TAS2R1: variants seen among roughly 807,000 people sequenced by gnomAD.
The protein encoded by TAS2R1 is taste receptor type 2 member 1.
For missense variants in TAS2R1, 370 were observed against 353.4 expected, an observed-to-expected ratio of 1.05 and a Z score of -0.38; for synonymous variants, 141 against 134.2, an observed-to-expected ratio of 1.05 and a Z score of -0.35.
chr5:9,856,383 AG>A, the TAS2R1 span, among the ~76,000 whole-genome samples: 4 of 152,148 alleles, frequency 2.6e-5, no homozygotes, highest in African/African-American at 9.7e-5. Flanking sequence ...ATATTAAGCA[AG>A]GGGAGAAAAA....
chr5:9,651,269 G>C (rs1048036605), intron 2 of TAS2R1, among the ~76,000 whole-genome samples: 3 of 152,122 alleles, frequency 2.0e-5, no homozygotes, highest in Admixed American at 1.3e-4. Flanking sequence ...CCTCATTGTG[G>C]TATTAAATCT....
chr5:9,678,288 C>T (rs1740918548), intron 1 of TAS2R1, among the ~76,000 whole-genome samples: 1 of 152,070 alleles, frequency 6.6e-6, no homozygotes. Context: ...ACAACAGATG[C>T]TGGTGAGTTT....
the TAS2R1 span, among the ~76,000 whole-genome samples, chr5:9,835,038 C>T: frequency 2.0e-5 from 3 of 152,128 alleles, no homozygotes; most frequent in Non-Finnish European, 2.9e-5. Flanking sequence ...GATTGTCTGC[C>T]GACCCCTAGG....
chr5:9,756,263 G>C, the TAS2R1 span, among the ~76,000 whole-genome samples: 4 of 152,142 alleles, frequency 2.6e-5, no homozygotes, highest in Non-Finnish European at 5.9e-5. Flanking sequence ...GGAAGCATCA[G>C]AGTAAAACAA....
chr5:9,853,839 A>G, the TAS2R1 span, among the ~76,000 whole-genome samples: 1 of 152,258 alleles, frequency 6.6e-6, no homozygotes, highest in East Asian at 1.9e-4. Context: ...CACATTTGAG[A>G]GCAATTATAA....
intron 2 of TAS2R1, among the ~76,000 whole-genome samples, chr5:9,652,223 G>A (rs543911340): frequency 6.6e-6 from 1 of 152,262 alleles, no homozygotes; most frequent in East Asian, 1.9e-4. Flanking sequence ...CCAGAAAGAC[G>A]TTCACCAAAT....
chr5:9,860,891 C>T, the TAS2R1 span, among the ~76,000 whole-genome samples: 1 of 151,950 alleles, frequency 6.6e-6, no homozygotes, highest in Admixed American at 6.6e-5. Context: ...TTTGTGCTTC[C>T]TGCAGCAAGA....
At chr5:9,790,499 C>G in the TAS2R1 span, among the ~76,000 whole-genome samples, 7 of 152,090 alleles carry the variant, frequency 4.6e-5, no homozygotes, top group Admixed American at 4.6e-4. Flanking sequence ...CAACGGCAAG[C>G]ATAAATCATC....
chr5:9,804,299 G>GA, the TAS2R1 span, among the ~76,000 whole-genome samples: 3 of 152,018 alleles, frequency 2.0e-5, no homozygotes, highest in South Asian at 6.2e-4. Context: ...AACAGTGGGG[G>GA]ACTTTAATAC....
chr5:9,870,539 A>T, the TAS2R1 span, among the ~76,000 whole-genome samples: 2 of 152,202 alleles, frequency 1.3e-5, no homozygotes, highest in Non-Finnish European at 2.9e-5. Flanking sequence ...GACTTTATTG[A>T]ACATCTACTA....
chr5:9,710,287 C>T (rs983767020), intron 1 of TAS2R1, among the ~76,000 whole-genome samples: 1 of 152,208 alleles, frequency 6.6e-6, no homozygotes, highest in African/African-American at 2.4e-5. Flanking sequence ...TATCGAGTGC[C>T]CTCCACTCAC....
chr5:9,798,247 G>A, the TAS2R1 span, among the ~76,000 whole-genome samples: 1 of 152,150 alleles, frequency 6.6e-6, no homozygotes, highest in Non-Finnish European at 1.5e-5. Context: ...TGGGAATGGG[G>A]ATTGATCACA....
the TAS2R1 span, among the ~76,000 whole-genome samples, chr5:9,875,225 G>A: frequency 1.3e-5 from 2 of 152,186 alleles, no homozygotes; most frequent in African/African-American, 2.4e-5. Context: ...GAGGGAGCGG[G>A]CAGGAGCCAA....
the TAS2R1 span, among the ~76,000 whole-genome samples, chr5:9,891,393 G>T: frequency 2.0e-5 from 3 of 152,078 alleles, no homozygotes; most frequent in African/African-American, 7.2e-5. Context: ...TACTATTTTT[G>T]TCTTTAGTGA....
chr5:9,800,589 A>G, the TAS2R1 span, among the ~76,000 whole-genome samples: 7 of 152,098 alleles, frequency 4.6e-5, no homozygotes, highest in Non-Finnish European at 1.0e-4. Context: ...ATGTGTAGGC[A>G]CCTCCAAGTG....
chr5:9,784,534 A>G, the TAS2R1 span, among the ~76,000 whole-genome samples: 2 of 152,258 alleles, frequency 1.3e-5, no homozygotes, highest in African/African-American at 4.8e-5. Flanking sequence ...AACCTTATGC[A>G]TAAGAATCAT....
the TAS2R1 span, among the ~76,000 whole-genome samples, chr5:9,845,495 C>T: frequency 2.0e-5 from 3 of 152,258 alleles, no homozygotes; most frequent in Admixed American, 2.0e-4. Context: ...AATGTTAGTG[C>T]TCTTCAGGGA....
chr5:9,637,940 T>C (rs1383534424), intron 2 of TAS2R1, among the ~76,000 whole-genome samples: 2 of 152,240 alleles, frequency 1.3e-5, no homozygotes, highest in Non-Finnish European at 2.9e-5. Flanking sequence ...AGAGTTCTTC[T>C]TGGTTTGGAT....
chr5:9,695,858 C>A (rs1741346150), intron 1 of TAS2R1, among the ~76,000 whole-genome samples: 1 of 152,058 alleles, frequency 6.6e-6, no homozygotes. Flanking sequence ...GAGGGAAAGG[C>A]TTCTGGAGAA....
Sources: allele counts gnomAD v4.1 joint callset (sites outside exome capture counted in the v4.1 genomes callset), GRCh38; gene constraint gnomAD v4.1.1; transcripts MANE v1.5; gene names NCBI Gene and HGNC (gene_info 2026-07-23, HGNC 2026-07-21).